Variants in CACNG3 observed in about 807,000 individuals in gnomAD.
CACNG3 encodes the protein calcium voltage-gated channel auxiliary subunit gamma 3.
Under a neutral mutation model 28.5 loss-of-function variants are expected in CACNG3, and 3 were observed. The ratio of observed to expected loss-of-function variants is 0.11; its 90% confidence interval spans 0.05 to 0.27. The LOEUF (loss-of-function observed/expected upper bound fraction) is 0.27. Among genes scored for constraint, CACNG3 ranks in the 10% least tolerant of loss-of-function variants. The pLI is 1.00. For synonymous variants in CACNG3, 174 were observed against 162.2 expected (o/e 1.07, Z -0.55); for missense variants, 236 against 414.4 (o/e 0.57, Z 3.74).
intron 1 of CACNG3, among the ~76,000 whole-genome samples, chr16:24,287,289 G>A (rs1258561620): frequency 2.0e-5 from 3 of 152,016 alleles, no homozygotes; most frequent in Non-Finnish European, 2.9e-5. Flanking sequence ...AGGCCGAGGC[G>A]GGTGGATCAC....
At chr16:24,273,212 C>T (rs1898711804) in intron 1 of CACNG3, among the ~76,000 whole-genome samples, 1 of 152,140 alleles carries the variant, frequency 6.6e-6, no homozygotes. Flanking sequence ...AGTCCAATTG[C>T]TTTTTTAAAC....
At chr16:24,290,369 A>G (rs1352182654) in intron 1 of CACNG3, among the ~76,000 whole-genome samples, 2 of 152,232 alleles carry the variant, frequency 1.3e-5, no homozygotes, top group African/African-American at 4.8e-5. Context: ...AGGGTAGTTC[A>G]TAAGGTTGAC....
chr16:24,259,868 G>C (rs1398346648), intron 1 of CACNG3, among the ~76,000 whole-genome samples: 1 of 152,178 alleles, frequency 6.6e-6, no homozygotes, highest in Non-Finnish European at 1.5e-5. Flanking sequence ...CTGGTCATCA[G>C]ATTCTCATGA....
intron 1 of CACNG3, among the ~76,000 whole-genome samples, chr16:24,298,928 G>A (rs1899069107): frequency 6.6e-6 from 1 of 152,220 alleles, no homozygotes; most frequent in African/African-American, 2.4e-5. Flanking sequence ...AAGGTAAAAT[G>A]TCCTTCTCAA....
At chr16:24,348,778 G>A (rs1225487817) in intron 2 of CACNG3, among the ~76,000 whole-genome samples, 1 of 152,158 alleles carries the variant, frequency 6.6e-6, no homozygotes, top group Non-Finnish European at 1.5e-5. Flanking sequence ...TTACCAGAGT[G>A]CCCATAGATT....
intron 1 of CACNG3, among the ~76,000 whole-genome samples, chr16:24,300,863 C>G (rs1194846047): frequency 6.6e-6 from 1 of 151,942 alleles, no homozygotes; most frequent in Non-Finnish European, 1.5e-5. Context: ...ACCAGCTTGG[C>G]CAACATGAAA....
At chr16:24,341,879 T>G (rs1899793159) in intron 1 of CACNG3, among the ~76,000 whole-genome samples, 1 of 152,252 alleles carries the variant, frequency 6.6e-6, no homozygotes, top group Non-Finnish European at 1.5e-5. Flanking sequence ...ATCCAGGGAT[T>G]CATTACTCCC....
intron 1 of CACNG3, among the ~76,000 whole-genome samples, chr16:24,309,670 G>T (rs537955991): frequency 1.3e-5 from 2 of 152,214 alleles, no homozygotes; most frequent in African/African-American, 4.8e-5. Context: ...CCACAAAGCA[G>T]TAAGAATAAT....
At chr16:24,303,377 G>A (rs540409484) in intron 1 of CACNG3, among the ~76,000 whole-genome samples, 2 of 144,950 alleles carry the variant, frequency 1.4e-5, no homozygotes, top group African/African-American at 5.4e-5. Context: ...TTTAGTAGAG[G>A]TGGGGTCTCA....
intron 1 of CACNG3, among the ~76,000 whole-genome samples, chr16:24,315,833 GT>G (rs1158576639): frequency 6.6e-6 from 1 of 151,952 alleles, no homozygotes; most frequent in Non-Finnish European, 1.5e-5. Flanking sequence ...TAATTTTTGT[GT>G]TTTTAGTAGA....
intron 2 of CACNG3, among the ~76,000 whole-genome samples, chr16:24,347,974 C>A (rs1899891763): frequency 6.6e-6 from 1 of 152,156 alleles, no homozygotes; most frequent in Non-Finnish European, 1.5e-5. Flanking sequence ...GCATTAGCTC[C>A]CGTTTCTTGC....
intron 1 of CACNG3, among the ~76,000 whole-genome samples, chr16:24,266,774 G>A (rs950354744): frequency 6.6e-6 from 1 of 152,074 alleles, no homozygotes; most frequent in Non-Finnish European, 1.5e-5. Context: ...CCCACCTGTG[G>A]CCTGCCTCCT....
chr16:24,290,759 T>C (rs28694863), intron 1 of CACNG3, among the ~76,000 whole-genome samples: 14 of 151,842 alleles, frequency 9.2e-5, no homozygotes, highest in African/African-American at 3.4e-4. Context: ...TTTTTTAGAG[T>C]AAAGTGAAAG....
rs145193156 is a variant in CACNG3, at chr16:24,274,201, CA to C, written c.211+17248del. Among the ~76,000 whole-genome samples, 581 of 128,044 alleles carry C rather than the reference CA, an allele frequency of 4.5e-3. 8 individuals carry two copies. Among genetic ancestry groups the C allele is most frequent in the Admixed American group, 4.7e-3 (59 of 12,464 alleles). 84.0% of individuals were successfully genotyped at this position (128,044 alleles called of 152,430 possible). ...GACTCCATCTCAAAAAAAAAAAAAA[CA>C]AAAAAAAAAAACTCAACCTCTACTA... On this transcript the variant is annotated intron_variant, in intron 1 of 3. Coordinates refer to ENST00000005284, the MANE Select transcript of CACNG3 (RefSeq NM_006539.4).
rs57918697 is a variant in CACNG3 at position 24,327,126 on chromosome 16, C to CAAAAAAAAAAAAA, written c.212-19593_212-19581dup. On this transcript the variant is annotated intron_variant, in intron 1 of 3. Coordinates refer to ENST00000005284, the MANE Select transcript of CACNG3 (RefSeq NM_006539.4). ...AGTGGCCAAGGCAGGGGCTCCAAAC[C>CAAAAAAAAAAAAA]AAAAAAAAAAAAAAAAAAAAAAAAA... 8.4e-5 allele frequency among the ~76,000 whole-genome samples: 3 copies of CAAAAAAAAAAAAA among 35,830 alleles called. 1 individual carries two copies. Among genetic ancestry groups the CAAAAAAAAAAAAA allele is most frequent in the African/African-American group, 4.0e-4 (3 of 7,550 alleles). The allele number at this position is 35,830 out of a possible 152,430, so 23.5% of individuals were successfully genotyped here.
rs183421623 is a variant in CACNG3, at chr16:24,340,392, C to T, written c.212-6342C>T. 2.3e-3 allele frequency among the ~76,000 whole-genome samples: 349 copies of T among 152,112 alleles called. 1 individual carries two copies. Among genetic ancestry groups the T allele is most frequent in the African/African-American group, 7.8e-3 (323 of 41,500 alleles). Reference sequence around the variant, plus strand: ...CAGACTGGGCAACAGAGCGAGACCCCGTCTCAAAATAAATAAATAAAATAA... The same window carrying T: ...CAGACTGGGCAACAGAGCGAGACCCTGTCTCAAAATAAATAAATAAAATAA... On this transcript the variant is annotated intron_variant, in intron 1 of 3. Transcript: ENST00000005284.
chr16:24,261,627 T>G (rs1254830130), intron 1 of CACNG3, among the ~76,000 whole-genome samples: 1 of 152,222 alleles, frequency 6.6e-6, no homozygotes, highest in Non-Finnish European at 1.5e-5. Context: ...GAATTACTCT[T>G]TATTAGTCAA....
chr16:24,352,688 C>T (rs1195005240), intron 2 of CACNG3, among the ~76,000 whole-genome samples: 3 of 152,208 alleles, frequency 2.0e-5, no homozygotes, highest in Non-Finnish European at 2.9e-5. Flanking sequence ...CACAAGCACA[C>T]ACCACCATGC....
At chr16:24,299,870 G>A (rs1291462438) in intron 1 of CACNG3, among the ~76,000 whole-genome samples, 5 of 151,996 alleles carry the variant, frequency 3.3e-5, no homozygotes, top group African/African-American at 4.8e-5. Flanking sequence ...AGTGTGCCCT[G>A]AACCTATTTG....
Sources: gnomAD v4.1 joint callset for allele counts (sites outside exome capture counted in the v4.1 genomes callset) on GRCh38, gnomAD v4.1.1 for gene constraint, MANE v1.5 for transcripts, NCBI Gene and HGNC (gene_info 2026-07-23, HGNC 2026-07-21) for gene names.